Variants in TTC23 observed in about 807,000 individuals in gnomAD.
TTC23 encodes tetratricopeptide repeat domain 23.
In TTC23, 58 loss-of-function variants were observed where a neutral mutation model predicts 55.1. The observed-to-expected ratio is 1.05, with a 90% CI of 0.85 to 1.31. The LOEUF (loss-of-function observed/expected upper bound fraction) is 1.31, where lower values mean the gene tolerates loss of function less well. Among genes scored for constraint, TTC23 ranks in the 50% most tolerant of loss-of-function variants. The pLI, the probability that TTC23 is intolerant of heterozygous loss-of-function variation, is 0.00. For missense variants in TTC23, 516 were observed against 534.4 expected (o/e 0.97, Z 0.34); for synonymous variants, 203 against 199.9 (o/e 1.02, Z -0.13).
intron 8 of TTC23, among the ~76,000 whole-genome samples, chr15:99,212,694 T>C (rs2077138416): frequency 1.3e-5 from 2 of 152,098 alleles, no homozygotes; most frequent in Non-Finnish European, 2.9e-5. Flanking sequence ...CACTAAAAGA[T>C]ATCCTTTTAA....
chr15:99,184,250 G>C (rs770265732), intron 9 of TTC23, among the ~76,000 whole-genome samples: 27 of 152,172 alleles, frequency 1.8e-4, no homozygotes, highest in Non-Finnish European at 3.7e-4. Context: ...CTGGGGCACT[G>C]CCTAGTGGAG....
intron 5 of TTC23, among the ~76,000 whole-genome samples, chr15:99,224,314 A>G (rs986999645): frequency 6.6e-6 from 1 of 152,238 alleles, no homozygotes; most frequent in Non-Finnish European, 1.5e-5. Flanking sequence ...CCGCCTAGAG[A>G]TATCTAGGTA....
chr15:99,195,684 G>C (rs1296011859), intron 9 of TTC23, among the ~76,000 whole-genome samples: 3 of 152,110 alleles, frequency 2.0e-5, no homozygotes, highest in Non-Finnish European at 4.4e-5. Flanking sequence ...CAAACCCACA[G>C]AATGTACAAT....
At chr15:99,203,261 A>T (rs2076339830) in intron 8 of TTC23, among the ~76,000 whole-genome samples, 1 of 152,162 alleles carries the variant, frequency 6.6e-6, no homozygotes, top group Non-Finnish European at 1.5e-5. Context: ...AAAACAAAAG[A>T]TATATAAAAG....
chr15:99,213,379 G>C (rs921975584), intron 8 of TTC23, among the ~76,000 whole-genome samples: 2 of 152,194 alleles, frequency 1.3e-5, no homozygotes, highest in African/African-American at 4.8e-5. Context: ...GATGTGTACA[G>C]GGCCCGCCAT....
chr15:99,150,619 A>T (rs2069588808), intron 12 of TTC23, among the ~76,000 whole-genome samples: 2 of 152,238 alleles, frequency 1.3e-5, no homozygotes. Flanking sequence ...AAATAGATTC[A>T]TTTTGGGGGG....
At chr15:99,161,636 G>C in intron 11 of TTC23, 104 bp downstream of exon 11, 1 of 1,351,042 alleles carries the variant, frequency 7.4e-7, no homozygotes, top group Non-Finnish European at 1.0e-6. Context: ...ACTGGCACAT[G>C]CTTTGCACAC....
chr15:99,250,495 A>G (rs1219039491), upstream of TTC23, among the ~76,000 whole-genome samples: 5 of 152,216 alleles, frequency 3.3e-5, no homozygotes, highest in Non-Finnish European at 5.9e-5. Flanking sequence ...ACAGAACAAA[A>G]AATATCAGCG....
rs543347333 is a variant in TTC23 at position 99,182,206 on chromosome 15, C to T, written c.760-7051G>A. On this transcript the variant is annotated intron_variant, in intron 9 of 13. Coordinates refer to ENST00000394132, the MANE Select transcript of TTC23 (RefSeq NM_001288615.3). The stretch of plus-strand genomic sequence containing the variant: ...TCCCAGGCTTACAGCTAATCAGTTT[C>T]CTGTATTGTTCCAGAAATCTCTCTC... Among the ~76,000 whole-genome samples, 6 of 149,418 alleles carry T rather than the reference C, an allele frequency of 4.0e-5. 1 individual carries two copies. The South Asian group carries it at 1.3e-3, about 32-fold the overall frequency.
intron 4 of TTC23, among the ~76,000 whole-genome samples, chr15:99,230,899 A>G (rs2152073320): frequency 6.6e-6 from 1 of 152,342 alleles, no homozygotes; most frequent in East Asian, 1.9e-4. Context: ...GTTCTACAAA[A>G]CAGACGACCT....
intron 4 of TTC23, among the ~76,000 whole-genome samples, chr15:99,229,061 CAT>C (rs1189528100): frequency 1.3e-5 from 2 of 150,792 alleles, no homozygotes; most frequent in African/African-American, 4.9e-5. Context: ...TAGCCTAGCA[CAT>C]ACATATGTAT....
At chr15:99,217,757 C>G (rs1171074437) in intron 8 of TTC23, among the ~76,000 whole-genome samples, 1 of 152,194 alleles carries the variant, frequency 6.6e-6, no homozygotes, top group East Asian at 1.9e-4. Context: ...TTGGTTCTTC[C>G]CACTTTCCAT....
intron 9 of TTC23, among the ~76,000 whole-genome samples, chr15:99,195,065 G>C (rs2075585841): frequency 6.6e-6 from 1 of 152,134 alleles, no homozygotes. Flanking sequence ...ATCCATGAAT[G>C]ACAGAAATGA....
At chr15:99,138,986 A>G (rs893426693) in intron 13 of TTC23, among the ~76,000 whole-genome samples, 1 of 152,228 alleles carries the variant, frequency 6.6e-6, no homozygotes, top group African/African-American at 2.4e-5. Context: ...ATCCGAGGGC[A>G]GAGGGAAGCC....
intron 13 of TTC23, 110 bp downstream of exon 13, chr15:99,139,207 A>T (rs1443334161): frequency 2.1e-6 from 3 of 1,402,596 alleles, no homozygotes; most frequent in Admixed American, 3.9e-5. Flanking sequence ...ATGGGAAGTC[A>T]GCAAAACATT....
intron 12 of TTC23, among the ~76,000 whole-genome samples, chr15:99,142,378 C>T (rs888432130): frequency 4.6e-5 from 7 of 152,272 alleles, no homozygotes; most frequent in Admixed American, 4.6e-4. Context: ...CCAGAAATAC[C>T]TTCACTCAGT....
chr15:99,144,865 G>A (rs1162608122), intron 12 of TTC23: 1 of 152,110 alleles, frequency 6.6e-6, no homozygotes, highest in East Asian at 1.9e-4. Flanking sequence ...TTACGTCCAC[G>A]GGGGAGAAAT....
chr15:99,176,885 G>GA (rs2073623784), intron 9 of TTC23, among the ~76,000 whole-genome samples: 1 of 152,264 alleles, frequency 6.6e-6, no homozygotes, highest in South Asian at 2.1e-4. Context: ...ATCATGTCCT[G>GA]AGTGCTGCCA....
At chr15:99,152,544 G>C (rs1418466130) in intron 12 of TTC23, among the ~76,000 whole-genome samples, 1 of 151,918 alleles carries the variant, frequency 6.6e-6, no homozygotes, top group Admixed American at 6.6e-5. Flanking sequence ...GCTAATTTTT[G>C]TATTTTTAGT....
Sources: gnomAD v4.1 joint callset for allele counts (sites outside exome capture counted in the v4.1 genomes callset) on GRCh38, gnomAD v4.1.1 for gene constraint, MANE v1.5 for transcripts, NCBI Gene and HGNC (gene_info 2026-07-23, HGNC 2026-07-21) for gene names.